The following TLE4 variants were observed in gnomAD, a reference collection of about 807,000 sequenced individuals.
TLE4 encodes the protein transducin-like enhancer protein 4.
In TLE4, 8 loss-of-function variants were observed where a neutral mutation model predicts 92.8. The ratio of observed to expected loss-of-function variants is 0.09; its 90% CI spans 0.05 to 0.16. The LOEUF is 0.16. Among genes scored for constraint, TLE4 ranks in the 10% least tolerant of loss-of-function variants. TLE4 has a pLI of 1.00. For missense variants in TLE4, 675 were observed against 997.6 expected (o/e 0.68, Z 4.36); for synonymous variants, 371 against 374.1 (o/e 0.99, Z 0.10).
At chr9:79,692,736 G>A (rs909766685) in intron 8 of TLE4, among the ~76,000 whole-genome samples, 2 of 152,060 alleles carry the variant, frequency 1.3e-5, no homozygotes, top group Non-Finnish European at 2.9e-5. Flanking sequence ...TGGTGAAAGG[G>A]GCAGAGGAGC....
At chr9:79,675,159 T>TA in intron 8 of TLE4, among the ~76,000 whole-genome samples, 1 of 152,352 alleles carries the variant, frequency 6.6e-6, no homozygotes. Context: ...AACAAGCACT[T>TA]ACACTTGCAA....
chr9:79,674,691 G>A (rs1040261420), intron 8 of TLE4, among the ~76,000 whole-genome samples: 20 of 152,216 alleles, frequency 1.3e-4, no homozygotes, highest in African/African-American at 4.3e-4. Flanking sequence ...AACTTGTCAC[G>A]TGGGGCGGGA....
rs80188600 is a variant in TLE4 at position 79,707,311 on chromosome 9, C to A, written c.936+412C>A. The A allele has an allele frequency of 8.6e-5, 89 of 1,037,970 alleles. No individual in the cohort carries two copies. In the African/African-American group the frequency reaches 1.3e-3, roughly 15 times the overall value. 64.3% of individuals were successfully genotyped at this position (1,037,970 alleles called of 1,614,324 possible). A position where few individuals can be genotyped will look rare whatever the true frequency, so the allele number is the denominator to read the frequency against. On this transcript the variant is annotated intron_variant, in intron 11 of 19. Transcript: ENST00000376552. Reference sequence around the variant, plus strand: ...GACGGCAATAATTTTCCCTTCCTATCTAAAAAGTAATCTCTCATTTACAAA... The same window carrying A: ...GACGGCAATAATTTTCCCTTCCTATATAAAAAGTAATCTCTCATTTACAAA...
At chr9:79,649,802 T>C (rs1384796701) in intron 6 of TLE4, 1 of 1,364,196 alleles carries the variant, frequency 7.3e-7, no homozygotes, top group East Asian at 4.5e-5. Context: ...GAGTCGGTGC[T>C]TATTTTTTAT....
rs2076361280 is a variant in TLE4, at chr9:79,726,180, G to A, written c.*1036G>A. The A allele has an allele frequency of 6.6e-6, 1 of 152,608 alleles. No individual in the cohort carries two copies. The highest frequency in any genetic ancestry group is 2.4e-5 in the African/African-American group (1 of 41,440). 9.5% of individuals were successfully genotyped at this position (152,608 alleles called of 1,614,324 possible). ...AAACACAAAGAATGGACTCTCTCCTGGGATGAGGACTTGCTTTCTTTACCT... is the reference window on the plus strand; with the variant it reads ...AAACACAAAGAATGGACTCTCTCCTAGGATGAGGACTTGCTTTCTTTACCT... On this transcript the variant is annotated 3_prime_UTR_variant, in exon 20 of 20. Transcript: ENST00000376552.
At chr9:79,652,510 T>G in intron 6 of TLE4, 83 bp from the exon 7 acceptor site, 1 of 1,519,246 alleles carries the variant, frequency 6.6e-7, no homozygotes, top group Non-Finnish European at 9.1e-7. Context: ...TTACTGCCGA[T>G]TTATGCCTCC....
At chr9:79,667,722 C>T (rs146891994) in intron 8 of TLE4, among the ~76,000 whole-genome samples, 87 of 152,118 alleles carry the variant, frequency 5.7e-4, no homozygotes, top group African/African-American at 1.2e-3. Flanking sequence ...TGTGGAGCTT[C>T]GAAGTCAGGA....
rs369795070 is a variant in TLE4 at position 79,652,869 on chromosome 9, T to TA, written c.592+76dup. ...AGGGTAGGTTCTGGATGCTATTGTT[T>TA]ATTCTCTCTGAATTTAGTTTTACCA... On this transcript the variant is annotated intron_variant, in intron 7 of 19. Coordinates refer to ENST00000376552, the MANE Select transcript of TLE4 (RefSeq NM_007005.6). The TA allele has an allele frequency of 1.3e-3, 1,966 of 1,458,354 alleles. 24 individuals carry two copies. In the African/African-American group the frequency reaches 0.023, roughly 17 times the overall value. The allele number at this position is 1,458,354 out of a possible 1,614,324, so 90.3% of individuals were successfully genotyped here.
chr9:79,626,230 G>A (rs2052567923), intron 5 of TLE4, among the ~76,000 whole-genome samples: 1 of 152,170 alleles, frequency 6.6e-6, no homozygotes, highest in African/African-American at 2.4e-5. Context: ...GAGGATTTTG[G>A]AATGGGGGCC....
chr9:79,638,944 G>A (rs1210382032), intron 6 of TLE4, among the ~76,000 whole-genome samples: 2 of 152,078 alleles, frequency 1.3e-5, no homozygotes, highest in Non-Finnish European at 2.9e-5. Flanking sequence ...CAAGGCTAAA[G>A]CATTCCAGGA....
intron 8 of TLE4, among the ~76,000 whole-genome samples, chr9:79,669,653 C>T (rs564534431): frequency 6.6e-6 from 1 of 152,078 alleles, no homozygotes; most frequent in Non-Finnish European, 1.5e-5. Context: ...TCTCCAACCT[C>T]ATTTATTGGA....
At chr9:79,699,233 G>A (rs1376110547) in intron 8 of TLE4, among the ~76,000 whole-genome samples, 2 of 152,124 alleles carry the variant, frequency 1.3e-5, no homozygotes, top group African/African-American at 4.8e-5. Flanking sequence ...GGTTGCAGAG[G>A]AAAATATGAT....
At chr9:79,708,875 A>T (rs1351096749) in intron 13 of TLE4, 89 bp downstream of exon 13, 1 of 1,430,828 alleles carries the variant, frequency 7.0e-7, no homozygotes, top group Non-Finnish European at 9.3e-7. Context: ...TCTGTCACCC[A>T]GCCTGGAGTG....
At chr9:79,582,129 G>A (rs1450140713) in intron 4 of TLE4, among the ~76,000 whole-genome samples, 1 of 152,158 alleles carries the variant, frequency 6.6e-6, no homozygotes, top group East Asian at 1.9e-4. Flanking sequence ...GCTTTTGAAG[G>A]GGGAAGCTGG....
At chr9:79,589,467 T>G (rs887765956) in intron 4 of TLE4, among the ~76,000 whole-genome samples, 1 of 142,562 alleles carries the variant, frequency 7.0e-6, no homozygotes, top group Admixed American at 6.9e-5. Flanking sequence ...TTTTCACACT[T>G]AAGTTCAGCT....
intron 6 of TLE4, among the ~76,000 whole-genome samples, chr9:79,637,564 G>A (rs1245652926): frequency 6.6e-6 from 1 of 152,164 alleles, no homozygotes; most frequent in African/African-American, 2.4e-5. Flanking sequence ...AGTGTTGGAA[G>A]GAAAATGGAA....
chr9:79,587,630 G>C (rs2041458683), intron 4 of TLE4, among the ~76,000 whole-genome samples: 1 of 151,922 alleles, frequency 6.6e-6, no homozygotes, highest in Non-Finnish European at 1.5e-5. Context: ...ATCTCACTTT[G>C]AGCAATGTTA....
At chr9:79,722,356 T>A in intron 17 of TLE4, 95 bp from the exon 18 acceptor site, 1 of 1,374,062 alleles carries the variant, frequency 7.3e-7, no homozygotes, top group Non-Finnish European at 9.8e-7. Flanking sequence ...ATTTTCTTCA[T>A]AATTTAAGTA....
At chr9:79,719,823 C>T (rs1044543746) in intron 15 of TLE4, among the ~76,000 whole-genome samples, 1 of 152,146 alleles carries the variant, frequency 6.6e-6, no homozygotes, top group Non-Finnish European at 1.5e-5. Flanking sequence ...CATTTTGATG[C>T]TAATTAAGAT....
Sources: allele counts gnomAD v4.1 joint callset (sites outside exome capture counted in the v4.1 genomes callset), GRCh38; gene constraint gnomAD v4.1.1; transcripts MANE v1.5; gene names NCBI Gene and HGNC (gene_info 2026-07-23, HGNC 2026-07-21).